Variants in RPSA2 observed in about 807,000 individuals in gnomAD.
RPSA2 encodes the protein ribosomal protein SA 2.
the RPSA2 span, among the ~76,000 whole-genome samples, chr19:23,869,878 A>G: frequency 6.6e-6 from 1 of 152,186 alleles, no homozygotes; most frequent in African/African-American, 2.4e-5. Context: ...CACTCAACTT[A>G]TGGTTTGTGG....
chr19:23,760,648 C>CAT, the RPSA2 span, among the ~76,000 whole-genome samples: 2 of 135,942 alleles, frequency 1.5e-5, no homozygotes, highest in African/African-American at 5.5e-5. Context: ...TTTCTTTCAA[C>CAT]ATATATATAT....
At chr19:23,838,082 C>T in the RPSA2 span, among the ~76,000 whole-genome samples, 149,009 of 152,334 alleles carry the variant, frequency 0.98, 72,970 homozygotes, top group Middle Eastern at 1. Context: ...TGTGGGTTTG[C>T]CATAGATAGC....
At chr19:23,871,070 A>G in the RPSA2 span, among the ~76,000 whole-genome samples, 1 of 152,130 alleles carries the variant, frequency 6.6e-6, no homozygotes, top group Non-Finnish European at 1.5e-5. Flanking sequence ...CCTTCTCCCT[A>G]TCTCCTTTAC....
At chr19:23,861,290 A>G in the RPSA2 span, among the ~76,000 whole-genome samples, 1 of 152,196 alleles carries the variant, frequency 6.6e-6, no homozygotes. Flanking sequence ...TTACAGTTTC[A>G]AATCTCTTCA....
At chr19:23,853,572 C>T in the RPSA2 span, among the ~76,000 whole-genome samples, 1 of 152,212 alleles carries the variant, frequency 6.6e-6, no homozygotes, top group Admixed American at 6.5e-5. Context: ...CGTAAACCAT[C>T]CCTGTCTTCT....
chr19:23,861,256 T>C, the RPSA2 span, among the ~76,000 whole-genome samples: 1 of 152,130 alleles, frequency 6.6e-6, no homozygotes, highest in Non-Finnish European at 1.5e-5. Flanking sequence ...AAAGCAAAAT[T>C]AAATTTCCCA....
chr19:23,854,334 T>C, the RPSA2 span, among the ~76,000 whole-genome samples: 1 of 152,316 alleles, frequency 6.6e-6, no homozygotes, highest in South Asian at 2.1e-4. Context: ...TTTAGAGGAA[T>C]GGTACTACAG....
the RPSA2 span, among the ~76,000 whole-genome samples, chr19:23,762,775 C>A: frequency 6.6e-6 from 1 of 151,914 alleles, no homozygotes; most frequent in Non-Finnish European, 1.5e-5. Context: ...AAGTGCATTT[C>A]ATGTCTCAGC....
chr19:23,832,667 G>A, the RPSA2 span: 1 of 1,478,064 alleles, frequency 6.8e-7, no homozygotes, highest in Non-Finnish European at 9.1e-7. Flanking sequence ...GCATTTCTAT[G>A]GTTCATTACC....
the RPSA2 span, among the ~76,000 whole-genome samples, chr19:23,830,556 G>T: frequency 7.4e-6 from 1 of 134,464 alleles, no homozygotes; most frequent in South Asian, 2.7e-4. Flanking sequence ...CTAGTTTGTT[G>T]TACTTCTTTA....
the RPSA2 span, among the ~76,000 whole-genome samples, chr19:23,786,337 T>C: frequency 2.0e-5 from 3 of 152,330 alleles, no homozygotes; most frequent in South Asian, 6.2e-4. Context: ...TTATCACATA[T>C]GCCTATGTTC....
the RPSA2 span, among the ~76,000 whole-genome samples, chr19:23,809,923 AG>A: frequency 1.3e-5 from 2 of 152,242 alleles, 1 homozygote; most frequent in South Asian, 4.1e-4. Context: ...GTAAATTTAA[AG>A]GAGCAAACAC....
the RPSA2 span, among the ~76,000 whole-genome samples, chr19:23,843,928 T>A: frequency 6.6e-6 from 1 of 152,188 alleles, no homozygotes; most frequent in East Asian, 1.9e-4. Context: ...CCTGGCTAAT[T>A]TTGTATTTTT....
the RPSA2 span, among the ~76,000 whole-genome samples, chr19:23,838,737 A>T: frequency 8.0e-6 from 1 of 125,498 alleles, no homozygotes; most frequent in Non-Finnish European, 1.7e-5. Context: ...ATGTGTGTAA[A>T]GGTGTTCTTA....
the RPSA2 span, among the ~76,000 whole-genome samples, chr19:23,866,513 G>GCACCCCC: frequency 7.0e-6 from 1 of 142,284 alleles, no homozygotes; most frequent in African/African-American, 2.6e-5. Flanking sequence ...ACAATGTGGT[G>GCACCCCC]CCCCCCCCCG....
At chr19:23,847,203 TG>T in the RPSA2 span, among the ~76,000 whole-genome samples, 2 of 151,888 alleles carry the variant, frequency 1.3e-5, no homozygotes, top group Non-Finnish European at 2.9e-5. Context: ...CTACAATTTT[TG>T]TTTCTTTTTT....
the RPSA2 span, among the ~76,000 whole-genome samples, chr19:23,778,657 A>G: frequency 6.6e-6 from 1 of 151,888 alleles, no homozygotes; most frequent in African/African-American, 2.4e-5. Context: ...TCAACACACA[A>G]GTGATGCGAT....
the RPSA2 span, among the ~76,000 whole-genome samples, chr19:23,853,725 G>T: frequency 2.7e-4 from 41 of 152,258 alleles, no homozygotes; most frequent in South Asian, 8.3e-3. Flanking sequence ...GTCCCCCATT[G>T]TGCCAGCAAA....
At chr19:23,760,441 A>G in the RPSA2 span, among the ~76,000 whole-genome samples, 70,429 of 151,694 alleles carry the variant, frequency 0.46, 17,145 homozygotes, top group Non-Finnish European at 0.56. Flanking sequence ...CCATGTCATG[A>G]ACGATGATGT....
Sources: allele counts gnomAD v4.1 joint callset (sites outside exome capture counted in the v4.1 genomes callset), GRCh38; gene constraint gnomAD v4.1.1; transcripts MANE v1.5; gene names NCBI Gene and HGNC (gene_info 2026-07-23, HGNC 2026-07-21).